Variants in NEMP1 observed in about 807,000 individuals in gnomAD.
The protein encoded by NEMP1 is nuclear envelope integral membrane protein 1.
NEMP1 carries 29 observed loss-of-function variants against 53.7 expected under a neutral mutation model. That is an observed-to-expected ratio of 0.54 (90% CI 0.40 to 0.74). The LOEUF is 0.74. NEMP1 is among the 30% of genes least tolerant of loss of function. NEMP1 has a pLI of 0.00. For missense variants in NEMP1, 477 were observed against 528.6 expected (o/e 0.90, Z 0.96); for synonymous variants, 193 against 192.9 (o/e 1.00, Z 0.00).
chr12:57,079,964 G>C (rs913097993), upstream of NEMP1, among the ~76,000 whole-genome samples: 1 of 151,972 alleles, frequency 6.6e-6, no homozygotes, highest in Non-Finnish European at 1.5e-5. Flanking sequence ...TGTTGTTGTT[G>C]TTGTTGTTGT....
At position 57,060,763 on chromosome 12, in the gene NEMP1, C is replaced by G; in HGVS notation, c.1154+9G>C. ...CTGATAGATGCTTGGTATATCTGGCCGAGTTTACCTTTTTGGAGACTGGAT... is the reference window on the plus strand; with the variant it reads ...CTGATAGATGCTTGGTATATCTGGCGGAGTTTACCTTTTTGGAGACTGGAT... On this transcript the variant is annotated intron_variant, in intron 8 of 8. Coordinates refer to ENST00000300128, the MANE Select transcript of NEMP1 (RefSeq NM_001130963.2). The G allele has an allele frequency of 1.2e-6, 2 of 1,608,556 alleles. No individual in the cohort carries two copies. The highest frequency in any genetic ancestry group is 1.7e-6 in the Non-Finnish European group (2 of 1,177,640).
chr12:57,066,637 GGTTGA>G (rs957357145), intron 4 of NEMP1, among the ~76,000 whole-genome samples: 1 of 152,168 alleles, frequency 6.6e-6, no homozygotes, highest in African/African-American at 2.4e-5. Flanking sequence ...ATAACCAATT[GGTTGA>G]GTTGTTAGAA....
chr12:57,075,500 C>A (rs957603435), intron 1 of NEMP1, among the ~76,000 whole-genome samples: 1 of 144,678 alleles, frequency 6.9e-6, no homozygotes, highest in Non-Finnish European at 1.5e-5. Context: ...ATCTCAATAT[C>A]AATAAATAAA....
intron 4 of NEMP1, 113 bp downstream of exon 4, chr12:57,069,121 G>A (rs1203504403): frequency 1.3e-5 from 8 of 630,564 alleles, no homozygotes; most frequent in South Asian, 3.2e-5. Flanking sequence ...AGCAGGCAAC[G>A]GCCAAGCCAT....
At chr12:57,073,828 C>T (rs2032470222) in intron 1 of NEMP1, among the ~76,000 whole-genome samples, 1 of 152,150 alleles carries the variant, frequency 6.6e-6, no homozygotes, top group African/African-American at 2.4e-5. Flanking sequence ...ATCTGAGATT[C>T]ACCCCCAGGT....
chr12:57,075,142 T>G (rs1341712270), intron 1 of NEMP1, among the ~76,000 whole-genome samples: 2 of 150,626 alleles, frequency 1.3e-5, no homozygotes, highest in Admixed American at 6.6e-5. Flanking sequence ...ATCCCACCAC[T>G]TTGGGAGGCC....
chr12:57,063,301 G>A lies in NEMP1; in HGVS notation c.798C>T (p.Tyr266=), dbSNP rs923914815. ...GTTCATTCTCCAAGGGCCCATACTT[G>A]TAACATACTGCAAAACTCATGAATC... The part of the protein sequence containing the change: ...TVGFMSFAVC[Y]KYGPLENERS... Residue 266 remains tyrosine, a synonymous_variant, in exon 7 of 9, where the codon TAC becomes TAT. Coordinates refer to ENST00000300128, the MANE Select transcript of NEMP1 (RefSeq NM_001130963.2). 7.4e-6 allele frequency: 12 copies of A among 1,614,038 alleles called. No homozygotes were observed. Among genetic ancestry groups the A allele is most frequent in the South Asian group, 1.1e-5 (1 of 91,078 alleles).
rs1398287795 is a variant in NEMP1 at position 57,078,669 on chromosome 12, C to T, written c.77G>A (p.Gly26Glu). ...GPWGSGVGGG[G>E]TVRLLLILSG... ...GAGGATCAAGAGTAGCCGCACTGTC[C>T]CACCGCCCCCGACTCCCGAGCCCCA... The change falls in exon 1 of 9, where the codon GGG becomes GAG. Residue 26 changes from glycine (G) to glutamate (E), a missense_variant. Transcript: ENST00000300128. The T allele has an allele frequency of 1.9e-6, 3 of 1,613,290 alleles. No individual in the cohort carries two copies. The African/African-American group carries it at 4.0e-5, about 22-fold the overall frequency.
chr12:57,063,188 G>A lies in NEMP1; in HGVS notation c.911C>T (p.Ala304Val). 6.2e-7 allele frequency: 1 copy of A among 1,614,166 alleles called. No homozygotes were observed. The part of the protein sequence containing the change: ...SGIQIPHIAL[A>V]IIIIALCTKN... The stretch of plus-strand genomic sequence containing the variant: ...AGTACAAAGAGCAATGATGATAATG[G>A]CAAGGGCAATATGTGGTATCTGGAT... Residue 304 changes from alanine to valine, a missense_variant, in exon 7 of 9, where the codon GCC becomes GTC. Physicochemically the swap from Ala to Val is moderately conservative, Grantham distance 64 (BLOSUM62 0). Transcript: ENST00000300128.
chr12:57,071,039 T>G, intron 2 of NEMP1, 146 bp from the exon 3 acceptor site: 1 of 646,494 alleles, frequency 1.5e-6, no homozygotes, highest in Non-Finnish European at 2.6e-6. Flanking sequence ...AATATAGAAA[T>G]ACAGTGGCTA....
upstream of NEMP1, among the ~76,000 whole-genome samples, chr12:57,082,562 A>G (rs1290830200): frequency 6.6e-6 from 1 of 151,922 alleles, no homozygotes; most frequent in Non-Finnish European, 1.5e-5. Flanking sequence ...AAATACAAAA[A>G]TTAGCCAAGT....
chr12:57,064,531 G>A lies in NEMP1; in HGVS notation c.639+115C>T, dbSNP rs548682165. ...TACCTTTCTGAATCAAGGAGAGTAG[G>A]ATATTGACTCATCAGCCATCAATAC... is the stretch of plus-strand genomic sequence containing the variant. On this transcript the variant is annotated intron_variant, in intron 5 of 8. Transcript: ENST00000300128. 51 of 707,478 alleles carry A rather than the reference G, an allele frequency of 7.2e-5. 2 individuals carry two copies. The South Asian group carries it at 8.4e-4, about 12-fold the overall frequency. 43.8% of individuals were successfully genotyped at this position (707,478 alleles called of 1,614,324 possible).
intron 1 of NEMP1, among the ~76,000 whole-genome samples, chr12:57,076,435 G>A (rs924145069): frequency 2.0e-5 from 3 of 150,860 alleles, no homozygotes; most frequent in Non-Finnish European, 3.0e-5. Flanking sequence ...AGGCTGAGGC[G>A]GGCGGAACAC....
At chr12:57,088,234 C>T (rs573474825), upstream of NEMP1, among the ~76,000 whole-genome samples, 2 of 152,296 alleles carry the variant, frequency 1.3e-5, no homozygotes, top group South Asian at 4.1e-4. Flanking sequence ...TGACAAAAGC[C>T]GACGCGTCTA....
chr12:57,068,292 C>A (rs886818297), intron 4 of NEMP1, among the ~76,000 whole-genome samples: 1 of 151,778 alleles, frequency 6.6e-6, no homozygotes, highest in Admixed American at 6.6e-5. Context: ...CATATTTGTA[C>A]ATGTCAGTCT....
At chr12:57,080,374 T>G (rs905592908), upstream of NEMP1, among the ~76,000 whole-genome samples, 2 of 148,468 alleles carry the variant, frequency 1.3e-5, no homozygotes, top group Non-Finnish European at 3.0e-5. Context: ...AGGTCAGGAG[T>G]TCGAGACCAG....
chr12:57,061,714 A>C (rs531965088), intron 7 of NEMP1, among the ~76,000 whole-genome samples: 1 of 143,044 alleles, frequency 7.0e-6, no homozygotes, highest in South Asian at 2.3e-4. Context: ...AAAAACAAAA[A>C]AAAACGCCGG....
intron 7 of NEMP1, among the ~76,000 whole-genome samples, chr12:57,061,396 A>G (rs1403192323): frequency 3.9e-5 from 6 of 152,222 alleles, no homozygotes; most frequent in African/African-American, 1.2e-4. Flanking sequence ...AAATCATGGT[A>G]TAAGACTGTG....
intron 4 of NEMP1, 109 bp from the exon 5 acceptor site, chr12:57,064,848 G>T: frequency 1.3e-6 from 1 of 779,498 alleles, no homozygotes; most frequent in South Asian, 1.8e-5. Flanking sequence ...TACAAGATTA[G>T]AGCAGTACAA....
Sources: gnomAD v4.1 joint callset for allele counts (sites outside exome capture counted in the v4.1 genomes callset) on GRCh38, gnomAD v4.1.1 for gene constraint, MANE v1.5 for transcripts, NCBI Gene and HGNC (gene_info 2026-07-23, HGNC 2026-07-21) for gene names.